DOCK2: variants seen among roughly 807,000 people sequenced by gnomAD.
DOCK2 encodes the protein dedicator of cytokinesis protein 2.
A neutral mutation model predicts 248.9 loss-of-function variants in DOCK2; 87 were observed. That is an observed-to-expected ratio of 0.35 (90% CI 0.29 to 0.42). The LOEUF is 0.42. DOCK2 is among the 10% of genes least tolerant of loss of function. The pLI is 1.00. For synonymous variants in DOCK2, 805 were observed against 821.6 expected (o/e 0.98, Z 0.35); for missense variants, 1,747 against 2,300.2 (o/e 0.76, Z 4.92).
chr5:169,895,641 T>A (rs1214194967), intron 27 of DOCK2, among the ~76,000 whole-genome samples: 1 of 152,076 alleles, frequency 6.6e-6, no homozygotes, highest in East Asian at 1.9e-4. Context: ...TTACCTATTG[T>A]AACCACAGCC....
intron 10 of DOCK2, among the ~76,000 whole-genome samples, chr5:169,697,473 A>G (rs1171993518): frequency 2.0e-5 from 3 of 152,158 alleles, no homozygotes; most frequent in East Asian, 1.9e-4. Context: ...TCATCTCCAT[A>G]GTCTTTACTC....
chr5:169,714,002 G>T, intron 17 of DOCK2, 26 bp from the exon 18 acceptor site: 1 of 1,566,678 alleles, frequency 6.4e-7, no homozygotes, highest in Non-Finnish European at 8.7e-7. Flanking sequence ...CCTTGGCTTG[G>T]GGCAGTAACC....
At chr5:169,966,622 C>T (rs375246894) in intron 27 of DOCK2, among the ~76,000 whole-genome samples, 207 of 152,230 alleles carry the variant, frequency 1.4e-3, no homozygotes, top group African/African-American at 4.6e-3. Flanking sequence ...GGCTCCATAC[C>T]CTTATTTTAC....
intron 21 of DOCK2, among the ~76,000 whole-genome samples, 190 bp from the exon 22 acceptor site, chr5:169,718,467 C>T (rs1238572023): frequency 1.3e-5 from 2 of 151,884 alleles, no homozygotes; most frequent in Admixed American, 6.6e-5. Context: ...TTTTTATGAG[C>T]AGGAAATACT....
At chr5:169,700,291 A>G (rs1034702002) in intron 13 of DOCK2, 152 bp downstream of exon 13, 1 of 1,171,316 alleles carries the variant, frequency 8.5e-7, no homozygotes, top group African/African-American at 1.5e-5. Context: ...TGATGTCTGT[A>G]TATCCAAAAA....
In DOCK2 at chr5:169,695,957, A is replaced by G. The variant is rs749750176; in HGVS notation, c.979+19A>G. ...GTGGCAGGTAAGGGGCACACTCTGC[A>G]TCATTGATTTTTATGGGAGCGCACA... On this transcript the variant is annotated intron_variant, in intron 10 of 51. Transcript: ENST00000520908. 90 of 1,562,778 alleles carry G rather than the reference A, an allele frequency of 5.8e-5. No homozygotes were observed. Among genetic ancestry groups the G allele is most frequent in the Non-Finnish European group, 7.4e-5 (85 of 1,156,072 alleles).
At chr5:169,837,803 A>G (rs1769683127) in intron 26 of DOCK2, among the ~76,000 whole-genome samples, 1 of 152,150 alleles carries the variant, frequency 6.6e-6, no homozygotes, top group Non-Finnish European at 1.5e-5. Context: ...GCAACCTCCC[A>G]ATACTGGGAG....
intron 34 of DOCK2, among the ~76,000 whole-genome samples, chr5:170,029,921 C>G (rs1474251874): frequency 6.6e-6 from 1 of 152,220 alleles, no homozygotes; most frequent in Non-Finnish European, 1.5e-5. Context: ...TGGCCCCTGT[C>G]CCCTTCCTGT....
chr5:169,739,955 A>G (rs1362887619), intron 22 of DOCK2, among the ~76,000 whole-genome samples: 2 of 152,252 alleles, frequency 1.3e-5, no homozygotes, highest in East Asian at 3.8e-4. Context: ...ATCCTTAGGA[A>G]TATTGTTTTG....
chr5:170,031,980 C>A (rs1756152117), intron 34 of DOCK2, among the ~76,000 whole-genome samples: 1 of 152,068 alleles, frequency 6.6e-6, no homozygotes, highest in African/African-American at 2.4e-5. Flanking sequence ...CCCCAGTGAT[C>A]CCCATGCACA....
At chr5:170,016,853 A>G (rs79956014) in intron 32 of DOCK2, among the ~76,000 whole-genome samples, 2 of 152,372 alleles carry the variant, frequency 1.3e-5, no homozygotes, top group East Asian at 3.9e-4. Flanking sequence ...GAAGGATGAA[A>G]TCAGAAACCT....
At chr5:169,760,509 C>T (rs1486207413) in intron 24 of DOCK2, among the ~76,000 whole-genome samples, 1 of 152,120 alleles carries the variant, frequency 6.6e-6, no homozygotes, top group Non-Finnish European at 1.5e-5. Context: ...TCAGATGTTA[C>T]CAGTTTTTTC....
intron 46 of DOCK2, among the ~76,000 whole-genome samples, chr5:170,070,791 T>G (rs1757654675): frequency 6.6e-6 from 1 of 152,214 alleles, no homozygotes; most frequent in African/African-American, 2.4e-5. Flanking sequence ...CTCCATGCTG[T>G]GTTTACTGTA....
intron 27 of DOCK2, among the ~76,000 whole-genome samples, chr5:169,898,266 A>C (rs1773723444): frequency 6.6e-6 from 1 of 152,128 alleles, no homozygotes; most frequent in Non-Finnish European, 1.5e-5. Flanking sequence ...CTCCTTTCTC[A>C]TGGGGGCTCC....
At chr5:169,879,367 T>TA (rs955547089) in intron 27 of DOCK2, among the ~76,000 whole-genome samples, 5 of 151,554 alleles carry the variant, frequency 3.3e-5, no homozygotes, top group African/African-American at 7.3e-5. Context: ...GAATGTTTTC[T>TA]AAAAAAAAAT....
chr5:169,964,350 C>A (rs1359544882), intron 27 of DOCK2, among the ~76,000 whole-genome samples: 1 of 152,196 alleles, frequency 6.6e-6, no homozygotes, highest in Admixed American at 6.5e-5. Context: ...CTATAAATTT[C>A]TTTTCTGTTG....
chr5:170,026,608 A>G (rs1755924828), intron 33 of DOCK2, among the ~76,000 whole-genome samples: 1 of 152,208 alleles, frequency 6.6e-6, no homozygotes, highest in African/African-American at 2.4e-5. Context: ...TGGACTCTTC[A>G]GGGTATAATA....
At chr5:169,903,006 G>C (rs1216637037) in intron 27 of DOCK2, among the ~76,000 whole-genome samples, 1 of 152,086 alleles carries the variant, frequency 6.6e-6, no homozygotes, top group Non-Finnish European at 1.5e-5. Flanking sequence ...GCTGAGGCAG[G>C]AGAATCGCTT....
intron 2 of DOCK2, among the ~76,000 whole-genome samples, chr5:169,661,200 A>G (rs950103823): frequency 6.6e-6 from 1 of 152,192 alleles, no homozygotes; most frequent in African/African-American, 2.4e-5. Flanking sequence ...CATTTTATAG[A>G]TGAGGGGACT....
Sources: allele counts gnomAD v4.1 joint callset (sites outside exome capture counted in the v4.1 genomes callset), GRCh38; gene constraint gnomAD v4.1.1; transcripts MANE v1.5; gene names NCBI Gene and HGNC (gene_info 2026-07-23, HGNC 2026-07-21).